The following RYR2 variants were observed in gnomAD, a reference collection of about 807,000 sequenced individuals.
RYR2 encodes cardiac muscle ryanodine receptor-calcium release channel.
A neutral mutation model predicts 601.1 loss-of-function variants in RYR2; 227 were observed. The ratio of observed to expected loss-of-function variants is 0.38; its 90% CI spans 0.34 to 0.42. The LOEUF is 0.42. Ranked by LOEUF, RYR2 falls within the 10% of genes least tolerant of loss-of-function variation. The probability of loss-of-function intolerance (pLI) is 1.00; values close to 1 mark genes in which losing one functional copy is unlikely to be tolerated. For synonymous variants in RYR2, 2,223 were observed against 2,175.1 expected (o/e 1.02, Z -0.61); for missense variants, 4,646 against 6,156.5 (o/e 0.75, Z 8.21).
chr1:237,612,601 C>A (rs1391234543), intron 36 of RYR2, among the ~76,000 whole-genome samples: 1 of 150,646 alleles, frequency 6.6e-6, no homozygotes, highest in Non-Finnish European at 1.5e-5. Flanking sequence ...ATTTTGTATT[C>A]TTTTTTTTTG....
chr1:237,701,190 G>T (rs1402405019), intron 65 of RYR2, among the ~76,000 whole-genome samples: 1 of 152,228 alleles, frequency 6.6e-6, no homozygotes, highest in African/African-American at 2.4e-5. Flanking sequence ...CTCAGTGGGT[G>T]CCACAACTAC....
At chr1:237,297,891 C>T (rs1224805253) in intron 2 of RYR2, among the ~76,000 whole-genome samples, 1 of 151,344 alleles carries the variant, frequency 6.6e-6, no homozygotes, top group Non-Finnish European at 1.5e-5. Flanking sequence ...GCTGGGACTA[C>T]AAGCACGTGC....
chr1:237,518,085 T>G (rs1444524603), intron 24 of RYR2, among the ~76,000 whole-genome samples: 2 of 152,108 alleles, frequency 1.3e-5, no homozygotes, highest in African/African-American at 4.8e-5. Flanking sequence ...TCTATCGACT[T>G]CTTTATTTTC....
chr1:237,619,546 AAG>A (rs1193205758), intron 38 of RYR2, among the ~76,000 whole-genome samples: 1 of 152,186 alleles, frequency 6.6e-6, no homozygotes, highest in African/African-American at 2.4e-5. Flanking sequence ...GGATAGGAGA[AAG>A]AGGGTGAACT....
At chr1:237,551,530 C>CAAA (rs34940458) in intron 27 of RYR2, among the ~76,000 whole-genome samples, 19,613 of 89,924 alleles carry the variant, frequency 0.22, 3,023 homozygotes, top group Middle Eastern at 0.33. Flanking sequence ...GACTCCGTCT[C>CAAA]AAAAAAAAAA....
At chr1:237,725,572 C>A (rs1001168306) in intron 74 of RYR2, among the ~76,000 whole-genome samples, 2 of 152,006 alleles carry the variant, frequency 1.3e-5, no homozygotes, top group Non-Finnish European at 2.9e-5. Context: ...TTCTAATAAT[C>A]AAATTCTAGC....
chr1:237,641,131 C>T, intron 47 of RYR2, 129 bp downstream of exon 47: 1 of 557,250 alleles, frequency 1.8e-6, no homozygotes, highest in Non-Finnish European at 3.0e-6. Flanking sequence ...TAGCTGCAGT[C>T]TAATCACTGA....
intron 12 of RYR2, among the ~76,000 whole-genome samples, chr1:237,429,263 G>A (rs1706535443): frequency 6.6e-6 from 1 of 152,128 alleles, no homozygotes. Context: ...TTTTACAGAT[G>A]GGGAAAACCA....
intron 93 of RYR2, 187 bp downstream of exon 93, chr1:237,791,702 G>A: frequency 1.7e-6 from 1 of 580,354 alleles, no homozygotes; most frequent in Non-Finnish European, 3.0e-6. Flanking sequence ...TGAGAAGTGA[G>A]AAATGCCTCA....
chr1:237,712,531 T>TCA (rs754771504), intron 71 of RYR2, among the ~76,000 whole-genome samples: 24 of 151,488 alleles, frequency 1.6e-4, no homozygotes, highest in Non-Finnish European at 2.8e-4. Context: ...AAGACATGCT[T>TCA]CACACACACA....
intron 71 of RYR2, among the ~76,000 whole-genome samples, chr1:237,713,053 G>A (rs138608229): frequency 1.3e-5 from 2 of 152,284 alleles, no homozygotes; most frequent in Non-Finnish European, 2.9e-5. Flanking sequence ...AAGTAGAATG[G>A]TATTGCTTGG....
rs542940760 is a variant in RYR2 at position 237,162,674 on chromosome 1, A to G, written c.49-107823A>G. 1.1e-4 allele frequency among the ~76,000 whole-genome samples: 17 copies of G among 152,238 alleles called. No homozygotes were observed. In the South Asian group the frequency reaches 3.3e-3, roughly 30 times the overall value. On this transcript the variant is annotated intron_variant, in intron 1 of 104. Coordinates refer to ENST00000366574, the MANE Select transcript of RYR2 (RefSeq NM_001035.3). ...ATACCTCAAAATACATGTTTTTGGCATATTGATGATTTTGAGCTGGTTATT... is the reference window on the plus strand; with the variant it reads ...ATACCTCAAAATACATGTTTTTGGCGTATTGATGATTTTGAGCTGGTTATT...
intron 84 of RYR2, among the ~76,000 whole-genome samples, chr1:237,767,501 T>C (rs752379150): frequency 8.5e-5 from 13 of 152,186 alleles, no homozygotes; most frequent in Non-Finnish European, 1.6e-4. Flanking sequence ...GATAGCTATA[T>C]GACATTGGTT....
chr1:237,593,400 A>G, intron 32 of RYR2, 76 bp from the exon 33 acceptor site: 2 of 1,415,884 alleles, frequency 1.4e-6, no homozygotes, highest in Admixed American at 2.3e-5. Context: ...AGACTTAGAC[A>G]CAGTTAGGAT....
chr1:237,745,946 G>A (rs994719864), intron 80 of RYR2, among the ~76,000 whole-genome samples: 5 of 151,582 alleles, frequency 3.3e-5, no homozygotes, highest in Admixed American at 3.3e-4. Context: ...ATCTGATTTG[G>A]GACTATAATT....
At chr1:237,491,067 T>C (rs1461196718) in intron 17 of RYR2, among the ~76,000 whole-genome samples, 1 of 152,214 alleles carries the variant, frequency 6.6e-6, no homozygotes, top group Non-Finnish European at 1.5e-5. Flanking sequence ...AAGTTCATGC[T>C]AAAATTTCTG....
At chr1:237,091,437 C>CG (rs1180335223) in intron 1 of RYR2, among the ~76,000 whole-genome samples, 1,590 of 100,402 alleles carry the variant, frequency 0.016, 15 homozygotes, top group African/African-American at 0.056. Flanking sequence ...TTGGGGGGGG[C>CG]GGGGGGGGAT....
At chr1:237,580,589 G>T (rs1295469010) in intron 29 of RYR2, among the ~76,000 whole-genome samples, 3 of 152,124 alleles carry the variant, frequency 2.0e-5, no homozygotes, top group Non-Finnish European at 4.4e-5. Context: ...CACACACATG[G>T]CTTTGGTGGA....
chr1:237,656,376 G>A (rs1683250254), intron 53 of RYR2, among the ~76,000 whole-genome samples: 1 of 152,178 alleles, frequency 6.6e-6, no homozygotes, highest in African/African-American at 2.4e-5. Flanking sequence ...TCTGCGAGTA[G>A]CAAGGGAATC....
Sources: gnomAD v4.1 joint callset for allele counts (sites outside exome capture counted in the v4.1 genomes callset) on GRCh38, gnomAD v4.1.1 for gene constraint, MANE v1.5 for transcripts, NCBI Gene and HGNC (gene_info 2026-07-23, HGNC 2026-07-21) for gene names.